The following ARHGAP44 variants were observed in gnomAD, a reference collection of about 807,000 sequenced individuals.
ARHGAP44 encodes rho GTPase-activating protein 44.
ARHGAP44 carries 43 observed loss-of-function variants against 106.8 expected under a neutral mutation model. The ratio of observed to expected loss-of-function variants is 0.40; its 90% CI spans 0.32 to 0.52. The LOEUF is 0.52. Among genes scored for constraint, ARHGAP44 ranks in the 20% least tolerant of loss-of-function variants. The probability of loss-of-function intolerance (pLI) is 0.48; values close to 1 mark genes in which losing one functional copy is unlikely to be tolerated. For synonymous variants in ARHGAP44, 439 were observed against 410.3 expected (o/e 1.07, Z -0.85); for missense variants, 866 against 1,050.5 (o/e 0.82, Z 2.43).
intron 3 of ARHGAP44, among the ~76,000 whole-genome samples, chr17:12,907,169 AC>A (rs922964331): frequency 3.3e-5 from 5 of 152,082 alleles, no homozygotes; most frequent in African/African-American, 1.2e-4. Context: ...TTGAAGAACT[AC>A]CTTTGTAGCT....
At chr17:12,942,208 G>A (rs1459434996) in intron 8 of ARHGAP44, among the ~76,000 whole-genome samples, 3 of 152,128 alleles carry the variant, frequency 2.0e-5, no homozygotes, top group Non-Finnish European at 2.9e-5. Context: ...GTGCAGTGGC[G>A]TGATCTCAGC....
intron 1 of ARHGAP44, among the ~76,000 whole-genome samples, chr17:12,849,594 T>TTTTTTTTTTTTTTTTTG: frequency 8.9e-6 from 1 of 112,428 alleles, no homozygotes; most frequent in African/African-American, 4.4e-5. Context: ...TTTTTTTTTT[T>TTTTTTTTTTTTTTTTTG]GCTTGGCTTC....
intron 1 of ARHGAP44, among the ~76,000 whole-genome samples, chr17:12,861,902 T>A (rs1357293533): frequency 6.6e-6 from 1 of 152,084 alleles, no homozygotes; most frequent in Non-Finnish European, 1.5e-5. Flanking sequence ...CCCAAAGTGC[T>A]GGGATTACAG....
intron 1 of ARHGAP44, among the ~76,000 whole-genome samples, chr17:12,837,150 A>G (rs1170243785): frequency 1.3e-5 from 2 of 152,226 alleles, no homozygotes; most frequent in Admixed American, 1.3e-4. Context: ...GTTAAGTAAT[A>G]TAAGTAAATA....
intron 1 of ARHGAP44, among the ~76,000 whole-genome samples, chr17:12,794,964 T>A (rs1350124449): frequency 6.6e-6 from 1 of 152,074 alleles, no homozygotes; most frequent in East Asian, 1.9e-4. Context: ...GTAGTAGGCC[T>A]TCTAAGAGCC....
intron 6 of ARHGAP44, among the ~76,000 whole-genome samples, chr17:12,923,422 G>T (rs1449833794): frequency 2.0e-5 from 3 of 152,122 alleles, no homozygotes; most frequent in Non-Finnish European, 4.4e-5. Flanking sequence ...CGCCATGTTG[G>T]CCAGGCTGGT....
At chr17:12,943,528 C>A in intron 8 of ARHGAP44, 60 bp from the exon 9 acceptor site, 1 of 1,541,150 alleles carries the variant, frequency 6.5e-7, no homozygotes, top group Non-Finnish European at 9.0e-7. Flanking sequence ...GCTTTGCATG[C>A]CATGGCAGCC....
chr17:12,960,053 G>A (rs1410547216), intron 16 of ARHGAP44, among the ~76,000 whole-genome samples: 1 of 152,188 alleles, frequency 6.6e-6, no homozygotes. Flanking sequence ...AGGAGACCTA[G>A]GCTTGTTTCC....
intron 16 of ARHGAP44, among the ~76,000 whole-genome samples, chr17:12,965,099 C>T (rs150578056): frequency 7.9e-5 from 12 of 152,278 alleles, no homozygotes; most frequent in African/African-American, 2.4e-4. Context: ...GCCTGAAACC[C>T]ACGGATGTCA....
At chr17:12,810,733 A>G (rs763623023) in intron 1 of ARHGAP44, among the ~76,000 whole-genome samples, 8 of 152,174 alleles carry the variant, frequency 5.3e-5, no homozygotes, top group Middle Eastern at 3.4e-3. Context: ...CCTGCTCTCC[A>G]CCCCAGACCT....
At chr17:12,806,165 A>G (rs1597866703) in intron 1 of ARHGAP44, among the ~76,000 whole-genome samples, 1 of 152,090 alleles carries the variant, frequency 6.6e-6, no homozygotes, top group East Asian at 1.9e-4. Context: ...CGCCTTTACA[A>G]TTGAGGTGGT....
chr17:12,963,712 T>TGCAG (rs545851891), intron 16 of ARHGAP44, among the ~76,000 whole-genome samples: 271 of 151,610 alleles, frequency 1.8e-3, no homozygotes, highest in Non-Finnish European at 1.8e-3. Flanking sequence ...GTGCCGTGTG[T>TGCAG]GCAGACAGGC....
At chr17:12,797,335 T>TAA (rs1274290717) in intron 1 of ARHGAP44, among the ~76,000 whole-genome samples, 1 of 152,226 alleles carries the variant, frequency 6.6e-6, no homozygotes, top group Non-Finnish European at 1.5e-5. Context: ...GTATAATACT[T>TAA]ACGCTTTTTA....
chr17:12,806,654 T>C (rs2034282748), intron 1 of ARHGAP44, among the ~76,000 whole-genome samples: 1 of 152,224 alleles, frequency 6.6e-6, no homozygotes, highest in Non-Finnish European at 1.5e-5. Context: ...CAGATTCCCA[T>C]AGGTGCATAT....
At chr17:12,866,120 G>C (rs2150874112) in intron 1 of ARHGAP44, among the ~76,000 whole-genome samples, 1 of 152,282 alleles carries the variant, frequency 6.6e-6, no homozygotes, top group East Asian at 1.9e-4. Context: ...CAGGGGAGAA[G>C]ACTGAGGAGG....
intron 20 of ARHGAP44, 31 bp downstream of exon 20, chr17:12,984,939 T>C: frequency 6.4e-7 from 1 of 1,569,710 alleles, no homozygotes. Context: ...CTCACTTTTT[T>C]TTATGAACTT....
intron 1 of ARHGAP44, among the ~76,000 whole-genome samples, chr17:12,832,551 C>T (rs1264034181): frequency 6.6e-6 from 1 of 152,130 alleles, no homozygotes; most frequent in African/African-American, 2.4e-5. Context: ...CAGTCTGGTC[C>T]CTAGGCAAGA....
intron 1 of ARHGAP44, among the ~76,000 whole-genome samples, chr17:12,827,223 G>GT (rs1475404763): frequency 6.6e-6 from 1 of 151,876 alleles, no homozygotes; most frequent in Non-Finnish European, 1.5e-5. Flanking sequence ...ATGTATTGTT[G>GT]TTTTGGTTAT....
chr17:12,904,064 C>T (rs572536877), intron 3 of ARHGAP44, among the ~76,000 whole-genome samples: 13 of 152,210 alleles, frequency 8.5e-5, no homozygotes, highest in Non-Finnish European at 1.3e-4. Context: ...TTCTTCCTTT[C>T]TCTTGTCATT....
Sources: allele counts gnomAD v4.1 joint callset (sites outside exome capture counted in the v4.1 genomes callset), GRCh38; gene constraint gnomAD v4.1.1; transcripts MANE v1.5; gene names NCBI Gene and HGNC (gene_info 2026-07-23, HGNC 2026-07-21).